Variants in ACOT11 observed in about 807,000 individuals in gnomAD.
The protein encoded by ACOT11 is acyl-CoA thioesterase 11.
A neutral mutation model predicts 77.5 loss-of-function variants in ACOT11; 69 were observed. The observed-to-expected ratio is 0.89, with a 90% CI of 0.73 to 1.09. ACOT11 has a LOEUF of 1.09. Ranked by LOEUF, ACOT11 falls within the 50% of genes least tolerant of loss-of-function variation. ACOT11 has a pLI of 0.00. For synonymous variants in ACOT11, 279 were observed against 313.0 expected (o/e 0.89, Z 1.15); for missense variants, 766 against 813.7 (o/e 0.94, Z 0.71).
rs1569659163 is a variant in ACOT11, at chr1:54,563,839, G to A, written c.33+15497G>A. ...CTTTGGGAGGCTGAGGGAGCGGGGG[G>A]CGGATCACTTAAGATCATTAGTTCA... On this transcript the variant is annotated intron_variant, in intron 1 of 15. Coordinates refer to ENST00000343744, the MANE Select transcript of ACOT11 (RefSeq NM_147161.4). 3.9e-5 allele frequency among the ~76,000 whole-genome samples: 6 copies of A among 152,212 alleles called. No individual in the cohort carries two copies. The South Asian group carries it at 1.2e-3, about 32-fold the overall frequency.
In ACOT11 at chr1:54,579,742, G is replaced by A. The variant is rs554122108; in HGVS notation, c.34-4913G>A. The stretch of plus-strand genomic sequence containing the variant: ...CCAGTACCTTGTGAGAGGCAGGGGC[G>A]GGAGAGTGGGAGGAACAGGGGCTTT... On this transcript the variant is annotated intron_variant, in intron 1 of 15. Coordinates refer to ENST00000343744, the MANE Select transcript of ACOT11 (RefSeq NM_147161.4). Among the ~76,000 whole-genome samples the A allele has an allele frequency of 3.3e-3, 509 of 152,340 alleles. 1 individual carries two copies. Among genetic ancestry groups the A allele is most frequent in the African/African-American group, 0.011 (463 of 41,582 alleles).
chr1:54,553,924 A>G (rs967331006), intron 1 of ACOT11, among the ~76,000 whole-genome samples: 1 of 152,140 alleles, frequency 6.6e-6, no homozygotes, highest in African/African-American at 2.4e-5. Flanking sequence ...CCATAATCCC[A>G]GTACTTCGGG....
intron 1 of ACOT11, among the ~76,000 whole-genome samples, chr1:54,561,275 T>G (rs1369843924): frequency 2.8e-5 from 3 of 108,308 alleles, no homozygotes; most frequent in Middle Eastern, 3.7e-3. Flanking sequence ...GTGTCCCTGA[T>G]TACTTGAGAT....
intron 3 of ACOT11, among the ~76,000 whole-genome samples, chr1:54,589,123 T>A (rs528799568): frequency 5.9e-4 from 90 of 152,114 alleles, no homozygotes; most frequent in Non-Finnish European, 1.1e-3. Flanking sequence ...TTCAAGCAAT[T>A]CTCCTGTCTA....
At chr1:54,614,984 G>C, downstream of ACOT11, 1 of 943,428 alleles carries the variant, frequency 1.1e-6, no homozygotes, top group Non-Finnish European at 1.6e-6. Context: ...GTCAGGGGAG[G>C]GCGGAAGGAC....
At chr1:54,624,345 G>T (rs1203462535) in intron 15 of ACOT11, among the ~76,000 whole-genome samples, 1 of 151,958 alleles carries the variant, frequency 6.6e-6, no homozygotes, top group Non-Finnish European at 1.5e-5. Flanking sequence ...TGCCCAGGTG[G>T]GCAGATGGTC....
chr1:54,632,589 AT>A (rs1644305513), intron 16 of ACOT11, among the ~76,000 whole-genome samples: 1 of 152,216 alleles, frequency 6.6e-6, no homozygotes, highest in South Asian at 2.1e-4. Flanking sequence ...GTATGTGGGA[AT>A]GGGAAAAAGT....
At chr1:54,600,545 A>G (rs1643949129) in intron 8 of ACOT11, among the ~76,000 whole-genome samples, 2 of 152,134 alleles carry the variant, frequency 1.3e-5, no homozygotes, top group Admixed American at 6.5e-5. Flanking sequence ...TGAGCCAGGC[A>G]TGGTGCACAC....
intron 4 of ACOT11, 99 bp downstream of exon 4, chr1:54,592,705 C>A: frequency 7.9e-7 from 1 of 1,263,128 alleles, no homozygotes; most frequent in Non-Finnish European, 1.1e-6. Flanking sequence ...CTCACACTTG[C>A]AGGGCCCTGA....
chr1:54,589,616 A>T lies in ACOT11; in HGVS notation c.312-2930A>T, dbSNP rs114919289. Among the ~76,000 whole-genome samples, 1,317 of 152,100 alleles carry T rather than the reference A, an allele frequency of 8.7e-3. 16 individuals carry two copies. Among genetic ancestry groups the T allele is most frequent in the African/African-American group, 0.03 (1,252 of 41,492 alleles). ...CTCCCTAGTAGCTGGGACTACAGAC[A>T]TGTGGCACCATACCTGGCTAATTAA... On this transcript the variant is annotated intron_variant, in intron 3 of 15. Coordinates refer to ENST00000343744, the MANE Select transcript of ACOT11 (RefSeq NM_147161.4).
In ACOT11 at chr1:54,602,679, G is replaced by A. The variant is rs776981689; in HGVS notation, c.1040G>A (p.Arg347Gln). Reference protein sequence around the residue: ...WIRPQPGDGERRYREASARKK... With the variant: ...WIRPQPGDGEQRYREASARKK... ...CGACTTCCTCCCCAGGATGGTGAGC[G>A]GCGGTACCGAGAGGCCAGTGCCAGA... The change falls in exon 10 of 16, where the codon CGG (arginine) becomes CAG (glutamine). Residue 347 changes from arginine (R) to glutamine (Q), a missense_variant. By Grantham distance (43) the Arg-to-Gln change is conservative (BLOSUM62 1). Coordinates refer to ENST00000343744, the MANE Select transcript of ACOT11 (RefSeq NM_147161.4). 15 of 1,552,692 alleles carry A rather than the reference G, an allele frequency of 9.7e-6. No individual in the cohort carries two copies. The highest frequency in any genetic ancestry group is 2.0e-5 in the Admixed American group (1 of 49,458).
intron 1 of ACOT11, among the ~76,000 whole-genome samples, chr1:54,576,511 A>AC (rs1654120477): frequency 6.6e-6 from 1 of 151,466 alleles, no homozygotes; most frequent in Non-Finnish European, 1.5e-5. Flanking sequence ...AAAAAAAAAA[A>AC]AAGCAAAGCA....
intron 16 of ACOT11, among the ~76,000 whole-genome samples, chr1:54,631,157 G>A (rs765191371): frequency 6.6e-6 from 1 of 152,128 alleles, no homozygotes; most frequent in Admixed American, 6.6e-5. Flanking sequence ...GACACTGGGC[G>A]AAAAGTAGTT....
At chr1:54,625,923 G>A (rs1644269456) in intron 15 of ACOT11, among the ~76,000 whole-genome samples, 2 of 132,772 alleles carry the variant, frequency 1.5e-5, no homozygotes, top group African/African-American at 5.5e-5. Flanking sequence ...TGGGCAACAA[G>A]AGTGAAACTC....
intron 1 of ACOT11, among the ~76,000 whole-genome samples, chr1:54,557,391 C>CAAAAAA (rs71045195): frequency 1.0e-5 from 1 of 98,252 alleles, no homozygotes; most frequent in Non-Finnish European, 2.1e-5. Flanking sequence ...GATTCCATCT[C>CAAAAAA]AAAAAAAAAA....
chr1:54,561,808 CG>C (rs1653504889), intron 1 of ACOT11, among the ~76,000 whole-genome samples: 9 of 89,998 alleles, frequency 1.0e-4, no homozygotes, highest in African/African-American at 4.4e-4. Flanking sequence ...CCCTCCCGGA[CG>C]GGGCGGCTGG....
intron 7 of ACOT11, 85 bp downstream of exon 7, chr1:54,597,500 G>C (rs1557661608): frequency 6.9e-7 from 1 of 1,459,254 alleles, no homozygotes; most frequent in Non-Finnish European, 9.1e-7. Context: ...GGAAACCCCA[G>C]CTTGGGGTTG....
At chr1:54,603,769 C>T (rs1210375579) in intron 10 of ACOT11, 102 bp from the exon 11 acceptor site, 24 of 1,116,232 alleles carry the variant, frequency 2.2e-5, no homozygotes, top group South Asian at 9.0e-5. Flanking sequence ...CCCATTCTGC[C>T]GGGCTCAGCA....
intron 1 of ACOT11, among the ~76,000 whole-genome samples, chr1:54,551,130 CAAAAAAAAAAAAA>C (rs11367325): frequency 1.1e-5 from 1 of 90,954 alleles, no homozygotes; most frequent in African/African-American, 4.5e-5. Context: ...ACAGTGGTCT[CAAAAAAAAAAAAA>C]AAAAAAGAAA....
Sources: allele counts gnomAD v4.1 joint callset (sites outside exome capture counted in the v4.1 genomes callset), GRCh38; gene constraint gnomAD v4.1.1; transcripts MANE v1.5; gene names NCBI Gene and HGNC (gene_info 2026-07-23, HGNC 2026-07-21).